The following COL5A1 variants were observed in gnomAD, a reference collection of about 807,000 sequenced individuals.
COL5A1 encodes the protein collagen type V alpha 1 chain, also known as collagen alpha-1(V) chain.
Under a neutral mutation model 263.7 loss-of-function variants are expected in COL5A1, and 16 were observed. The ratio of observed to expected loss-of-function variants is 0.06; its 90% CI spans 0.04 to 0.09. The LOEUF is 0.09. COL5A1 is among the 10% of genes least tolerant of loss of function. The pLI, the probability that COL5A1 is intolerant of heterozygous loss-of-function variation, is 1.00. For missense variants in COL5A1, 2,036 were observed against 2,540.5 expected (o/e 0.80, Z 4.27); for synonymous variants, 1,012 against 1,004.5 (o/e 1.01, Z -0.14).
intron 59 of COL5A1, chr9:134,822,778 CG>C: frequency 7.9e-6 from 5 of 632,708 alleles, no homozygotes; most frequent in Non-Finnish European, 1.1e-5. Context: ...GTAGGCTGGC[CG>C]GGGGCAGGTA....
At chr9:134,746,055 C>G (rs1489953779) in intron 11 of COL5A1, among the ~76,000 whole-genome samples, 2 of 152,170 alleles carry the variant, frequency 1.3e-5, no homozygotes, top group Admixed American at 1.3e-4. Context: ...CTCAAAGACC[C>G]CAAGTAAGGG....
At chr9:134,817,315 C>G (rs1237049963) in intron 53 of COL5A1, among the ~76,000 whole-genome samples, 1 of 152,242 alleles carries the variant, frequency 6.6e-6, no homozygotes, top group Non-Finnish European at 1.5e-5. Flanking sequence ...TCAGTGATAT[C>G]CATGGTGGGA....
Position 134,817,721 on chromosome 9 carries a change from C to G in COL5A1, c.4177-57C>G. 1.9e-6 allele frequency: 3 copies of G among 1,544,830 alleles called. 1 individual carries two copies. The highest frequency in any genetic ancestry group is 2.3e-5 in the South Asian group (2 of 87,456). On this transcript the variant is annotated intron_variant, in intron 53 of 65. Coordinates refer to ENST00000371817, the MANE Select transcript of COL5A1 (RefSeq NM_000093.5). The stretch of plus-strand genomic sequence containing the variant: ...CACCCTGAGCGCCTGCACCCGAGCT[C>G]GTCCCTCCACCCCTGCAGGCCACAC...
At chr9:134,770,032 C>A (rs546218836) in intron 25 of COL5A1, among the ~76,000 whole-genome samples, 4 of 152,292 alleles carry the variant, frequency 2.6e-5, no homozygotes, top group South Asian at 2.1e-4. Context: ...GGTGTCCCTT[C>A]CCCAGCCCGA....
intron 1 of COL5A1, among the ~76,000 whole-genome samples, chr9:134,662,385 C>T (rs1215383097): frequency 6.6e-6 from 1 of 152,364 alleles, no homozygotes; most frequent in African/African-American, 2.4e-5. Context: ...AGTCCGGCTG[C>T]CTCCTTCTTT....
At chr9:134,828,436 C>CCACA (rs59261059) in intron 63 of COL5A1, among the ~76,000 whole-genome samples, 4 of 150,762 alleles carry the variant, frequency 2.7e-5, no homozygotes, top group African/African-American at 9.8e-5. Context: ...GAAGGTTCTA[C>CCACA]CACACACACA....
At chr9:134,648,303 T>A (rs373968511) in intron 1 of COL5A1, among the ~76,000 whole-genome samples, 44 of 98,910 alleles carry the variant, frequency 4.4e-4, no homozygotes, top group African/African-American at 1.0e-3. Flanking sequence ...TATATATATA[T>A]AATATATATA....
At chr9:134,826,719 G>C (rs372220098) in intron 63 of COL5A1, among the ~76,000 whole-genome samples, 2 of 147,444 alleles carry the variant, frequency 1.4e-5, no homozygotes, top group Admixed American at 6.7e-5. Flanking sequence ...GGGTGTGTGG[G>C]TGGTGTGTGG....
At chr9:134,771,375 T>C (rs1407016577) in intron 25 of COL5A1, among the ~76,000 whole-genome samples, 1 of 152,244 alleles carries the variant, frequency 6.6e-6, no homozygotes, top group Non-Finnish European at 1.5e-5. Flanking sequence ...GCTGGCGCCA[T>C]GAGCCTTGTT....
In COL5A1 at chr9:134,686,990, C is replaced by T. The variant is rs143465848; in HGVS notation, c.110-3922C>T. On this transcript the variant is annotated intron_variant, in intron 1 of 65. Coordinates refer to ENST00000371817, the MANE Select transcript of COL5A1 (RefSeq NM_000093.5). The surrounding 1 kb of genome is among the most constrained non-coding windows in gnomAD (Gnocchi z 4.6). ...AGGTGGATACAGTCTCCGGGAGACC[C>T]GGCGTGGTGGGGTCAGGAGGCCCCA... 3.3e-3 allele frequency among the ~76,000 whole-genome samples: 495 copies of T among 152,224 alleles called. 6 individuals are homozygous for T. The highest frequency in any genetic ancestry group is 0.011 in the African/African-American group (460 of 41,542).
rs1005088036 is a variant in COL5A1 at position 134,647,647 on chromosome 9, G to A, written c.109+5351G>A. 6.6e-6 allele frequency among the ~76,000 whole-genome samples: 1 copy of A among 152,214 alleles called. No homozygotes were observed. The highest frequency in any genetic ancestry group is 2.4e-5 in the African/African-American group (1 of 41,460). Reference sequence around the variant, plus strand: ...TGGACGGGAGAGGAGGAGATGGCACGTGGAACCTGCCGGTTGAGCGTGAGG... The same window carrying A: ...TGGACGGGAGAGGAGGAGATGGCACATGGAACCTGCCGGTTGAGCGTGAGG... On this transcript the variant is annotated intron_variant, in intron 1 of 65. Transcript: ENST00000371817. The surrounding 1 kb of genome is among the most constrained non-coding windows in gnomAD (Gnocchi z 5.0).
chr9:134,822,197 G>T, intron 59 of COL5A1, 47 bp downstream of exon 59: 1 of 1,349,870 alleles, frequency 7.4e-7, no homozygotes, highest in South Asian at 1.2e-5. Context: ...GGCAGGGAGG[G>T]TGGGGATAAG....
intron 7 of COL5A1, 146 bp downstream of exon 7, chr9:134,730,621 G>A (rs1001876326): frequency 1.8e-6 from 2 of 1,137,686 alleles, no homozygotes; most frequent in African/African-American, 3.1e-5. Context: ...CCTGGCCCTG[G>A]GCCCTTTGCA....
chr9:134,733,375 TC>T (rs1458940613), intron 9 of COL5A1, among the ~76,000 whole-genome samples: 13 of 152,172 alleles, frequency 8.5e-5, no homozygotes, highest in Non-Finnish European at 2.9e-5. Flanking sequence ...CTTCACCCCT[TC>T]CTGGCCTATG....
At chr9:134,782,539 C>T (rs367595529) in intron 28 of COL5A1, 128 bp from the exon 29 acceptor site, 22 of 878,824 alleles carry the variant, frequency 2.5e-5, no homozygotes, top group South Asian at 7.9e-5. Flanking sequence ...CCACCCCGTC[C>T]GGGCCATGTG....
At chr9:134,687,434 TCCA>T (rs1564387950) in intron 1 of COL5A1, among the ~76,000 whole-genome samples, 16 of 151,542 alleles carry the variant, frequency 1.1e-4, no homozygotes, top group African/African-American at 3.9e-4. Flanking sequence ...CATCCATCCA[TCCA>T]TCCATCCATC....
In COL5A1 at chr9:134,678,108, G is replaced by T. The variant is rs1047224383; in HGVS notation, c.110-12804G>T. On this transcript the variant is annotated intron_variant, in intron 1 of 65. Coordinates refer to ENST00000371817, the MANE Select transcript of COL5A1 (RefSeq NM_000093.5). The surrounding 1 kb of genome is among the most constrained non-coding windows in gnomAD (Gnocchi z 5.5). ...CCTCCGCAGCAGGGTATCTGCAGGG[G>T]TCTTGGAGGCATTCTCCCAGCTTGC... is the stretch of plus-strand genomic sequence containing the variant. Among the ~76,000 whole-genome samples, 1 of 152,218 alleles carries T rather than the reference G, an allele frequency of 6.6e-6. No homozygotes were observed. The highest frequency in any genetic ancestry group is 2.4e-5 in the African/African-American group (1 of 41,456).
At chr9:134,784,092 CA>C (rs1837363785) in intron 29 of COL5A1, among the ~76,000 whole-genome samples, 1 of 152,120 alleles carries the variant, frequency 6.6e-6, no homozygotes, top group African/African-American at 2.4e-5. Flanking sequence ...CGGACCTCTT[CA>C]GAGAGCACAG....
chr9:134,759,834 C>A (rs997354165), intron 18 of COL5A1, among the ~76,000 whole-genome samples: 51 of 70,492 alleles, frequency 7.2e-4, no homozygotes, highest in East Asian at 3.1e-3. Context: ...CCACACCCCC[C>A]CACTCACGCA....
Sources: gnomAD v4.1 joint callset for allele counts (sites outside exome capture counted in the v4.1 genomes callset) on GRCh38, gnomAD v4.1.1 for gene constraint, Gnocchi (gnomAD v3.1) non-coding constraint, MANE v1.5 for transcripts, NCBI Gene and HGNC (gene_info 2026-07-23, HGNC 2026-07-21) for gene names.